Variants in GRID2 observed in about 807,000 individuals in gnomAD.
GRID2 encodes glutamate ionotropic receptor delta type subunit 2.
A neutral mutation model predicts 114.8 loss-of-function variants in GRID2; 33 were observed. The ratio of observed to expected loss-of-function variants is 0.29; its 90% CI spans 0.22 to 0.38. The LOEUF (loss-of-function observed/expected upper bound fraction) is 0.38, where lower values mean the gene tolerates loss of function less well. GRID2 is among the 10% of genes least tolerant of loss of function. GRID2 has a pLI of 1.00. For missense variants in GRID2, 1,184 were observed against 1,257.7 expected (o/e 0.94, Z 0.89); for synonymous variants, 505 against 449.9 (o/e 1.12, Z -1.55).
At chr4:93,193,097 C>T (rs867864594) in intron 4 of GRID2, among the ~76,000 whole-genome samples, 7 of 152,128 alleles carry the variant, frequency 4.6e-5, no homozygotes, top group Middle Eastern at 3.2e-3. Context: ...CCAGAATACT[C>T]TTAAAGACTC....
At chr4:93,708,698 T>G (rs1728217813) in intron 14 of GRID2, among the ~76,000 whole-genome samples, 1 of 152,062 alleles carries the variant, frequency 6.6e-6, no homozygotes, top group Non-Finnish European at 1.5e-5. Context: ...GACTTACTAC[T>G]GCCAATTTAT....
intron 2 of GRID2, among the ~76,000 whole-genome samples, chr4:92,811,843 C>CA (rs1740675060): frequency 6.6e-6 from 1 of 151,958 alleles, no homozygotes; most frequent in Non-Finnish European, 1.5e-5. Context: ...AAGAGGTAAT[C>CA]AAATAATTCA....
intron 2 of GRID2, among the ~76,000 whole-genome samples, chr4:93,020,903 G>T (rs781131206): frequency 1.3e-5 from 2 of 151,852 alleles, no homozygotes; most frequent in Non-Finnish European, 2.9e-5. Flanking sequence ...ATGGTGGCGG[G>T]CACCTGTAAT....
chr4:92,710,606 T>C (rs1735199773), intron 2 of GRID2, among the ~76,000 whole-genome samples: 1 of 152,208 alleles, frequency 6.6e-6, no homozygotes, highest in African/African-American at 2.4e-5. Flanking sequence ...GTGCTATCCT[T>C]ATTGAGAGAA....
At chr4:92,582,005 C>A (rs6851143) in intron 1 of GRID2, among the ~76,000 whole-genome samples, 57,047 of 151,478 alleles carry the variant, frequency 0.38, 10,743 homozygotes, top group Middle Eastern at 0.46. Flanking sequence ...TATAGGCTAA[C>A]TAATTATGGT....
rs1036063763 is a variant in GRID2 at position 93,679,370 on chromosome 4, G to A, written c.2360+52935G>A. ...CACTGTCAACATTAGACAGATCAAC[G>A]AGACAGAAAGTTAACAAGGATACCC... On this transcript the variant is annotated intron_variant, in intron 14 of 15. Transcript: ENST00000282020. 3.3e-5 allele frequency among the ~76,000 whole-genome samples: 5 copies of A among 150,684 alleles called. 1 individual carries two copies. Among genetic ancestry groups the A allele is most frequent in the African/African-American group, 1.2e-4 (5 of 40,490 alleles).
At chr4:92,735,542 T>C (rs1365799797) in intron 2 of GRID2, among the ~76,000 whole-genome samples, 3 of 152,120 alleles carry the variant, frequency 2.0e-5, no homozygotes, top group Non-Finnish European at 4.4e-5. Flanking sequence ...TTTATTGTCT[T>C]ACAAAAGGAA....
intron 9 of GRID2, among the ~76,000 whole-genome samples, chr4:93,417,840 T>C (rs903608670): frequency 1.3e-5 from 2 of 151,740 alleles, no homozygotes; most frequent in African/African-American, 2.4e-5. Flanking sequence ...CACAATATAT[T>C]TATCTTTTCC....
chr4:92,964,415 G>A (rs868313351), intron 2 of GRID2, among the ~76,000 whole-genome samples: 2 of 151,986 alleles, frequency 1.3e-5, no homozygotes, highest in Non-Finnish European at 2.9e-5. Context: ...AGGAGGGAGA[G>A]CATTAGAACA....
chr4:92,857,936 C>CT (rs1390374665), intron 2 of GRID2, among the ~76,000 whole-genome samples: 3 of 152,120 alleles, frequency 2.0e-5, no homozygotes, highest in Admixed American at 2.0e-4. Flanking sequence ...TCCTAGATCC[C>CT]TTATGAATTA....
At chr4:92,551,162 A>C (rs1194236841) in intron 1 of GRID2, among the ~76,000 whole-genome samples, 1 of 152,146 alleles carries the variant, frequency 6.6e-6, no homozygotes, top group Non-Finnish European at 1.5e-5. Flanking sequence ...TGACATCCAC[A>C]GAGGCTAAGT....
At chr4:93,007,761 C>A (rs1027972944) in intron 2 of GRID2, among the ~76,000 whole-genome samples, 5 of 152,014 alleles carry the variant, frequency 3.3e-5, no homozygotes, top group Admixed American at 1.3e-4. Context: ...AATAAAATGA[C>A]CAGGCACAGT....
chr4:92,380,434 A>T (rs1254855576), intron 1 of GRID2, among the ~76,000 whole-genome samples: 2 of 152,038 alleles, frequency 1.3e-5, no homozygotes, highest in Non-Finnish European at 2.9e-5. Context: ...TCTTTTGTGA[A>T]GATTAAATGA....
At chr4:92,701,558 G>A (rs1476243052) in intron 2 of GRID2, among the ~76,000 whole-genome samples, 1 of 152,054 alleles carries the variant, frequency 6.6e-6, no homozygotes, top group Non-Finnish European at 1.5e-5. Context: ...ACGATGATAA[G>A]GAAGAACTTT....
intron 13 of GRID2, among the ~76,000 whole-genome samples, chr4:93,596,073 A>G (rs1269898863): frequency 6.6e-6 from 1 of 152,200 alleles, no homozygotes; most frequent in African/African-American, 2.4e-5. Context: ...AATGAGATCT[A>G]TATGTAAAGG....
intron 1 of GRID2, among the ~76,000 whole-genome samples, chr4:92,341,479 C>A (rs1276920813): frequency 2.0e-5 from 3 of 152,066 alleles, no homozygotes; most frequent in African/African-American, 7.2e-5. Flanking sequence ...CTGCTTCTAC[C>A]CCCATCCACA....
intron 1 of GRID2, among the ~76,000 whole-genome samples, chr4:92,351,215 TG>T (rs1412035623): frequency 6.6e-6 from 1 of 151,858 alleles, no homozygotes; most frequent in African/African-American, 2.4e-5. Context: ...CTGGTTCATA[TG>T]GTAACTCTAT....
At chr4:93,331,828 C>A (rs1263650913) in intron 8 of GRID2, among the ~76,000 whole-genome samples, 16 of 152,112 alleles carry the variant, frequency 1.1e-4, no homozygotes, top group Non-Finnish European at 1.8e-4. Context: ...GTTCAGTTAG[C>A]AATTAGGTAA....
chr4:92,313,332 G>A (rs890326765), intron 1 of GRID2, among the ~76,000 whole-genome samples: 4 of 151,952 alleles, frequency 2.6e-5, no homozygotes, highest in Non-Finnish European at 5.9e-5. Context: ...TTGCGAAGAA[G>A]GGTTGGTGGG....
Sources: allele counts gnomAD v4.1 joint callset (sites outside exome capture counted in the v4.1 genomes callset), GRCh38; gene constraint gnomAD v4.1.1; transcripts MANE v1.5; gene names NCBI Gene and HGNC (gene_info 2026-07-23, HGNC 2026-07-21).